INTS15: variants seen among roughly 807,000 people sequenced by gnomAD.
The protein encoded by INTS15 is uncharacterized protein C7orf26.
chr7:6,600,261 C>A, the INTS15 span: 1 of 1,614,192 alleles, frequency 6.2e-7, no homozygotes, highest in South Asian at 1.1e-5. Flanking sequence ...GAACTGAACC[C>A]CCTCAACGCC....
the INTS15 span, among the ~76,000 whole-genome samples, chr7:6,590,810 C>T: frequency 3.0e-4 from 46 of 151,894 alleles, no homozygotes; most frequent in Non-Finnish European, 5.1e-4. Context: ...TGGCTTTCTT[C>T]TTACATCTTT....
chr7:6,600,142 C>G, the INTS15 span: 1 of 1,614,220 alleles, frequency 6.2e-7, no homozygotes. Context: ...TGCAAGTGCT[C>G]ATGACGCTGC....
the INTS15 span, among the ~76,000 whole-genome samples, chr7:6,592,673 A>G: frequency 1.7e-4 from 25 of 150,116 alleles, no homozygotes; most frequent in African/African-American, 6.1e-4. Flanking sequence ...CAGTGGTGCA[A>G]TCTTAGCTCA....
At chr7:6,591,653 A>C in the INTS15 span, 1 of 1,614,018 alleles carries the variant, frequency 6.2e-7, no homozygotes, top group African/African-American at 1.3e-5. Flanking sequence ...CAGAGACTGA[A>C]TTCCCTTCAG....
At chr7:6,607,409 G>T in the INTS15 span, 1 of 549,010 alleles carries the variant, frequency 1.8e-6, no homozygotes, top group Admixed American at 2.8e-5. The surrounding 1 kb of genome is among the most constrained non-coding windows in gnomAD (Gnocchi z 6.0). Flanking sequence ...GCCCAAGAGT[G>T]GGGGCATCTG....
the INTS15 span, among the ~76,000 whole-genome samples, chr7:6,601,139 T>A: frequency 1.3e-5 from 2 of 152,108 alleles, no homozygotes; most frequent in African/African-American, 4.8e-5. Flanking sequence ...GCTAATTTTT[T>A]AAAAAGATTT....
the INTS15 span, among the ~76,000 whole-genome samples, chr7:6,594,763 C>T: frequency 1.3e-5 from 2 of 152,132 alleles, no homozygotes; most frequent in African/African-American, 4.8e-5. Flanking sequence ...GTCTGTTGCC[C>T]AGGCTGGAGT....
the INTS15 span, among the ~76,000 whole-genome samples, chr7:6,598,259 C>T: frequency 2.6e-5 from 4 of 152,112 alleles, no homozygotes; most frequent in African/African-American, 9.7e-5. Context: ...CACCTGCAGT[C>T]AGGAGTTGGA....
chr7:6,608,554 C>G, the INTS15 span: 1 of 1,100,858 alleles, frequency 9.1e-7, no homozygotes, highest in Non-Finnish European at 1.1e-6. Flanking sequence ...AAGTGGGCTC[C>G]TTCTGCAGCC....
the INTS15 span, chr7:6,599,890 A>C: frequency 6.2e-7 from 1 of 1,614,196 alleles, no homozygotes; most frequent in Non-Finnish European, 8.5e-7. Flanking sequence ...TTGAGGACCC[A>C]AGGTTGATTC....
chr7:6,605,055 T>A, the INTS15 span, among the ~76,000 whole-genome samples: 1 of 152,132 alleles, frequency 6.6e-6, no homozygotes, highest in African/African-American at 2.4e-5. Context: ...TGCAGTGGTC[T>A]GATATCAGCT....
chr7:6,600,687 T>G, the INTS15 span, among the ~76,000 whole-genome samples: 1 of 152,196 alleles, frequency 6.6e-6, no homozygotes, highest in Non-Finnish European at 1.5e-5. Flanking sequence ...CGACGGAGTC[T>G]CACGCTGTTG....
chr7:6,592,170 CAA>C, the INTS15 span, among the ~76,000 whole-genome samples: 2 of 144,268 alleles, frequency 1.4e-5, no homozygotes, highest in East Asian at 2.0e-4. Context: ...GACTCCGTCT[CAA>C]AAAAAAAAGA....
chr7:6,599,628 A>C, the INTS15 span, among the ~76,000 whole-genome samples: 1 of 152,188 alleles, frequency 6.6e-6, no homozygotes, highest in Non-Finnish European at 1.5e-5. Context: ...CTGGGATGTG[A>C]CAGTGACTGA....
At chr7:6,605,471 A>T in the INTS15 span, among the ~76,000 whole-genome samples, 1 of 152,204 alleles carries the variant, frequency 6.6e-6, no homozygotes, top group Non-Finnish European at 1.5e-5. Context: ...GCAGGATACA[A>T]ATCCTGTGTA....
At chr7:6,603,502 G>A in the INTS15 span, among the ~76,000 whole-genome samples, 2 of 151,640 alleles carry the variant, frequency 1.3e-5, no homozygotes, top group East Asian at 1.9e-4. Flanking sequence ...AGCTGAGGTC[G>A]TGCCACTGCA....
the INTS15 span, among the ~76,000 whole-genome samples, chr7:6,598,735 T>TTGTGTGTGTGTGTG: frequency 0.017 from 1,450 of 83,532 alleles, 65 homozygotes; most frequent in African/African-American, 0.029. Context: ...GCTGTATGCT[T>TTGTGTGTGTGTGTG]TGTGTGTGTG....
chr7:6,599,940 C>T, the INTS15 span: 1 of 1,614,196 alleles, frequency 6.2e-7, no homozygotes, highest in Non-Finnish European at 8.5e-7. Flanking sequence ...GCCAATCTGC[C>T]AATAGGATTC....
At chr7:6,608,512 TC>T in the INTS15 span, 3 of 1,161,628 alleles carry the variant, frequency 2.6e-6, no homozygotes, top group Non-Finnish European at 2.1e-6. Context: ...CTGGCCTCTT[TC>T]CTCGTGAAGA....
Sources: allele counts gnomAD v4.1 joint callset (sites outside exome capture counted in the v4.1 genomes callset), GRCh38; gene constraint gnomAD v4.1.1; non-coding constraint Gnocchi (gnomAD v3.1); transcripts MANE v1.5; gene names NCBI Gene and HGNC (gene_info 2026-07-23, HGNC 2026-07-21).